ADD1: variants seen among roughly 807,000 people sequenced by gnomAD.
The protein encoded by ADD1 is adducin 1.
In ADD1, 24 loss-of-function variants were observed where a neutral mutation model predicts 80.5. The observed-to-expected ratio is 0.30, with a 90% CI of 0.22 to 0.42. The LOEUF (loss-of-function observed/expected upper bound fraction) is 0.42. Ranked by LOEUF, ADD1 falls within the 10% of genes least tolerant of loss-of-function variation. The pLI is 1.00. For synonymous variants in ADD1, 373 were observed against 393.8 expected (o/e 0.95, Z 0.63); for missense variants, 948 against 1,019.0 (o/e 0.93, Z 0.95).
intron 6 of ADD1, among the ~76,000 whole-genome samples, chr4:2,895,088 C>T (rs1054675903): frequency 1.3e-5 from 2 of 151,772 alleles, no homozygotes; most frequent in Admixed American, 6.6e-5. Flanking sequence ...AGTGAGACCC[C>T]GTCTGTACAA....
intron 1 of ADD1, among the ~76,000 whole-genome samples, chr4:2,845,565 C>T (rs748812660): frequency 1.3e-5 from 2 of 152,106 alleles, no homozygotes; most frequent in Admixed American, 6.6e-5. Flanking sequence ...TTTAAAGTTT[C>T]GGAGAGTCGC....
At chr4:2,916,207 TTA>T (rs1560245417) in intron 14 of ADD1, among the ~76,000 whole-genome samples, 10 of 127,440 alleles carry the variant, frequency 7.8e-5, no homozygotes, top group African/African-American at 2.9e-4. Flanking sequence ...ATTATTATTA[TTA>T]TTTTTGAGAT....
chr4:2,883,566 C>G (rs1014818769), intron 3 of ADD1, among the ~76,000 whole-genome samples: 3 of 152,018 alleles, frequency 2.0e-5, no homozygotes, highest in African/African-American at 7.2e-5. Flanking sequence ...TAAGTTCTTG[C>G]TCTTTCACCC....
chr4:2,891,935 C>T (rs753136124), intron 4 of ADD1, among the ~76,000 whole-genome samples: 20 of 152,144 alleles, frequency 1.3e-4, no homozygotes, highest in Non-Finnish European at 2.6e-4. Flanking sequence ...ATACTAGAGG[C>T]AGTGGTGACA....
intron 1 of ADD1, among the ~76,000 whole-genome samples, chr4:2,863,404 A>G (rs2108834579): frequency 6.6e-6 from 1 of 152,152 alleles, no homozygotes; most frequent in East Asian, 1.9e-4. Context: ...ATGTTAATAT[A>G]GGAAAGTGGT....
chr4:2,852,139 TTTC>T (rs1397302201), intron 1 of ADD1, among the ~76,000 whole-genome samples: 2 of 53,822 alleles, frequency 3.7e-5, no homozygotes, highest in Non-Finnish European at 7.2e-5. Context: ...CCCGGCCTCT[TTTC>T]TTTCTTTCTT....
chr4:2,886,443 A>G (rs1199157603), intron 4 of ADD1, among the ~76,000 whole-genome samples: 2 of 152,192 alleles, frequency 1.3e-5, no homozygotes, highest in African/African-American at 4.8e-5. Context: ...TCAAAATGTA[A>G]GCCTTACCAT....
At chr4:2,920,283 G>T (rs1358902892) in intron 14 of ADD1, among the ~76,000 whole-genome samples, 1 of 152,230 alleles carries the variant, frequency 6.6e-6, no homozygotes, top group Non-Finnish European at 1.5e-5. Flanking sequence ...TAAGTGCGAT[G>T]TGGTGCTGAG....
intron 1 of ADD1, among the ~76,000 whole-genome samples, chr4:2,845,664 T>C (rs1214324960): frequency 5.3e-5 from 8 of 152,218 alleles, no homozygotes; most frequent in East Asian, 1.9e-4. Flanking sequence ...TGGTCATTTT[T>C]CCCCTTAATT....
At chr4:2,903,279 C>T (rs1342265607) in intron 9 of ADD1, among the ~76,000 whole-genome samples, 3 of 152,138 alleles carry the variant, frequency 2.0e-5, no homozygotes, top group Non-Finnish European at 2.9e-5. Context: ...GGTTCAGGTG[C>T]GAATCTGTTA....
chr4:2,860,081 T>C (rs916965799), intron 1 of ADD1, among the ~76,000 whole-genome samples: 1 of 152,200 alleles, frequency 6.6e-6, no homozygotes, highest in African/African-American at 2.4e-5. Context: ...GCTTCCTGAC[T>C]TAGCTGAGTC....
intron 4 of ADD1, among the ~76,000 whole-genome samples, chr4:2,893,193 T>C (rs1010521529): frequency 3.9e-5 from 6 of 151,964 alleles, no homozygotes; most frequent in African/African-American, 1.5e-4. Flanking sequence ...CCTCCCAAAG[T>C]GCTGGGATTA....
At chr4:2,876,327 G>C (rs935110513) in intron 2 of ADD1, 14 of 402,760 alleles carry the variant, frequency 3.5e-5, no homozygotes, top group Non-Finnish European at 4.8e-5. Flanking sequence ...GATAGGAAGT[G>C]TTAATTTCTC....
At chr4:2,876,177 C>T (rs969600805) in intron 2 of ADD1, 67 bp downstream of exon 2, 19 of 1,475,708 alleles carry the variant, frequency 1.3e-5, no homozygotes, top group South Asian at 2.7e-5. Context: ...AGGTCTTATG[C>T]CCTGTTGTAT....
Position 2,903,711 on chromosome 4 carries a change from A to G in ADD1, c.1162-1053A>G, listed in dbSNP as rs1029920260. Among the ~76,000 whole-genome samples the G allele has an allele frequency of 2.6e-5, 4 of 152,208 alleles. No individual in the cohort carries two copies. The East Asian group carries it at 7.7e-4, about 29-fold the overall frequency. On this transcript the variant is annotated intron_variant, in intron 9 of 15. Coordinates refer to ENST00000683351, the MANE Select transcript of ADD1 (RefSeq NM_001354761.2). ...CAAGTCAGAGATCTCACCTGTGCTCAAGGTGGGAGGGGATTACAGGAGCTG... is the reference window on the plus strand; with the variant it reads ...CAAGTCAGAGATCTCACCTGTGCTCGAGGTGGGAGGGGATTACAGGAGCTG...
At chr4:2,895,474 G>A (rs1289976196) in intron 6 of ADD1, among the ~76,000 whole-genome samples, 1 of 152,056 alleles carries the variant, frequency 6.6e-6, no homozygotes, top group Non-Finnish European at 1.5e-5. Context: ...AGACTTGAAC[G>A]TGAGGACAGT....
intron 15 of ADD1, among the ~76,000 whole-genome samples, chr4:2,927,919 C>T (rs749571277): frequency 1.7e-4 from 26 of 152,064 alleles, no homozygotes; most frequent in Non-Finnish European, 2.9e-4. Flanking sequence ...AGGCCTGGGA[C>T]GGAGTCTGGT....
intron 6 of ADD1, 66 bp downstream of exon 6, chr4:2,894,797 C>T: frequency 6.7e-7 from 1 of 1,495,526 alleles, no homozygotes; most frequent in Non-Finnish European, 8.9e-7. Context: ...TGCACGTTTC[C>T]TCTGAATTGC....
intron 1 of ADD1, among the ~76,000 whole-genome samples, chr4:2,874,238 C>T (rs1730890738): frequency 6.6e-6 from 1 of 151,588 alleles, no homozygotes; most frequent in South Asian, 2.1e-4. Flanking sequence ...AAAAAAGATT[C>T]CACTGAGGTC....
Sources: gnomAD v4.1 joint callset for allele counts (sites outside exome capture counted in the v4.1 genomes callset) on GRCh38, gnomAD v4.1.1 for gene constraint, MANE v1.5 for transcripts, NCBI Gene and HGNC (gene_info 2026-07-23, HGNC 2026-07-21) for gene names.